Variants in NAALADL2 observed in about 807,000 individuals in gnomAD.
The protein encoded by NAALADL2 is N-acetylated alpha-linked acidic dipeptidase like 2.
Under a neutral mutation model 87.2 loss-of-function variants are expected in NAALADL2, and 76 were observed. That is an observed-to-expected ratio of 0.87 (90% CI 0.72 to 1.05). The LOEUF (loss-of-function observed/expected upper bound fraction) is 1.05. Ranked by LOEUF, NAALADL2 falls within the 50% of genes least tolerant of loss-of-function variation. The pLI is 0.00. For synonymous variants in NAALADL2, 354 were observed against 331.0 expected (o/e 1.07, Z -0.75); for missense variants, 1,089 against 945.8 (o/e 1.15, Z -1.99).
At chr3:175,191,258 T>TA (rs1280325543) in intron 2 of NAALADL2, among the ~76,000 whole-genome samples, 1 of 152,174 alleles carries the variant, frequency 6.6e-6, no homozygotes, top group Non-Finnish European at 1.5e-5. Flanking sequence ...AATTATTTTT[T>TA]TAAAAAATCC....
chr3:174,787,603 A>ATATATATATATACACACATATC (rs1716927367), intron 3 of NAALADL2, among the ~76,000 whole-genome samples: 1 of 99,480 alleles, frequency 1.0e-5, no homozygotes, highest in African/African-American at 3.3e-5. Flanking sequence ...ATATATATAT[A>ATATATATATATACACACATATC]TATATATATA....
intron 2 of NAALADL2, among the ~76,000 whole-genome samples, chr3:175,230,455 G>C (rs939538846): frequency 6.6e-6 from 1 of 151,818 alleles, no homozygotes; most frequent in Non-Finnish European, 1.5e-5. Flanking sequence ...ATAAATATAG[G>C]CAAAAACAAG....
chr3:175,452,749 T>TG (rs1483420379), intron 6 of NAALADL2, among the ~76,000 whole-genome samples: 9 of 152,154 alleles, frequency 5.9e-5, no homozygotes, highest in Non-Finnish European at 1.5e-5. Context: ...TCAACATTCA[T>TG]GAGCTGCCAG....
At chr3:175,479,112 A>G (rs1369304218) in intron 9 of NAALADL2, among the ~76,000 whole-genome samples, 4 of 151,750 alleles carry the variant, frequency 2.6e-5, no homozygotes, top group Non-Finnish European at 4.4e-5. Context: ...ATCTGTTGTT[A>G]TGTACTTATC....
At chr3:174,935,824 TA>T (rs1737610925) in intron 1 of NAALADL2, among the ~76,000 whole-genome samples, 1 of 152,166 alleles carries the variant, frequency 6.6e-6, no homozygotes, top group Non-Finnish European at 1.5e-5. Flanking sequence ...TTCTAACATA[TA>T]TTTTTTGCTA....
intron 2 of NAALADL2, among the ~76,000 whole-genome samples, chr3:175,225,647 A>G (rs905337189): frequency 6.6e-5 from 10 of 152,048 alleles, no homozygotes; most frequent in Non-Finnish European, 4.4e-5. Context: ...AAATGGAAAA[A>G]CTTTCTCCCA....
intron 2 of NAALADL2, among the ~76,000 whole-genome samples, chr3:174,729,749 G>A (rs759429876): frequency 2.6e-5 from 4 of 151,530 alleles, no homozygotes; most frequent in Admixed American, 6.6e-5. Flanking sequence ...CATTCCTCTT[G>A]TTTTGAAAAA....
chr3:174,591,299 T>G (rs983989943), intron 2 of NAALADL2, among the ~76,000 whole-genome samples: 2 of 152,198 alleles, frequency 1.3e-5, no homozygotes, highest in Non-Finnish European at 2.9e-5. Flanking sequence ...TAGGGAATTA[T>G]GTTTGGATTG....
chr3:175,378,147 AC>A (rs1214388188), intron 5 of NAALADL2, among the ~76,000 whole-genome samples: 3 of 151,636 alleles, frequency 2.0e-5, no homozygotes, highest in African/African-American at 7.3e-5. Flanking sequence ...AAGTCCAGAC[AC>A]TGCCATGGGG....
At chr3:175,613,847 C>G (rs1046508130) in intron 10 of NAALADL2, among the ~76,000 whole-genome samples, 1 of 152,114 alleles carries the variant, frequency 6.6e-6, no homozygotes, top group South Asian at 2.1e-4. Context: ...TGCCATTATT[C>G]ATAATACATA....
At chr3:175,579,181 C>G (rs1028735870) in intron 10 of NAALADL2, among the ~76,000 whole-genome samples, 1 of 148,284 alleles carries the variant, frequency 6.7e-6, no homozygotes, top group Admixed American at 7.0e-5. Flanking sequence ...GATTATAATG[C>G]AAATCTTAGA....
chr3:174,502,875 A>G (rs1166965545), intron 1 of NAALADL2, among the ~76,000 whole-genome samples: 2 of 152,052 alleles, frequency 1.3e-5, no homozygotes, highest in Non-Finnish European at 2.9e-5. Context: ...CTAAAAATAT[A>G]AAAATTATCC....
chr3:174,940,544 T>C (rs1423591815), intron 1 of NAALADL2, among the ~76,000 whole-genome samples: 1 of 151,990 alleles, frequency 6.6e-6, no homozygotes, highest in African/African-American at 2.4e-5. Context: ...TATAGAGGAG[T>C]CCCTCCTCTT....
At chr3:174,988,546 A>G (rs1419538815) in intron 1 of NAALADL2, among the ~76,000 whole-genome samples, 1 of 152,164 alleles carries the variant, frequency 6.6e-6, no homozygotes, top group Non-Finnish European at 1.5e-5. Context: ...AACAACATAA[A>G]TTTATTTTCT....
chr3:174,614,313 A>C (rs1170889148), intron 2 of NAALADL2, among the ~76,000 whole-genome samples: 1 of 152,168 alleles, frequency 6.6e-6, no homozygotes, highest in African/African-American at 2.4e-5. Flanking sequence ...AAGTTTATTT[A>C]GAACTCCAGG....
intron 2 of NAALADL2, among the ~76,000 whole-genome samples, chr3:175,127,280 C>T (rs1727114300): frequency 6.6e-6 from 1 of 152,108 alleles, no homozygotes; most frequent in South Asian, 2.1e-4. Flanking sequence ...TAGATTATAT[C>T]CCAGCCTGTG....
intron 1 of NAALADL2, among the ~76,000 whole-genome samples, chr3:174,513,297 C>G (rs1278071517): frequency 6.6e-6 from 1 of 152,124 alleles, no homozygotes; most frequent in Non-Finnish European, 1.5e-5. Flanking sequence ...CAATGACATG[C>G]TGGTATTGTA....
chr3:175,685,708 G>C (rs1736189136), intron 11 of NAALADL2, among the ~76,000 whole-genome samples: 1 of 152,028 alleles, frequency 6.6e-6, no homozygotes, highest in Admixed American at 6.6e-5. Flanking sequence ...CAGCAGACTG[G>C]AGACCCTGGA....
chr3:175,070,255 T>C (rs1380466858), intron 1 of NAALADL2, among the ~76,000 whole-genome samples: 3 of 151,910 alleles, frequency 2.0e-5, no homozygotes, highest in Admixed American at 2.0e-4. Flanking sequence ...TCTTAGGCAT[T>C]TTATGTAATT....
Sources: allele counts gnomAD v4.1 joint callset (sites outside exome capture counted in the v4.1 genomes callset), GRCh38; gene constraint gnomAD v4.1.1; transcripts MANE v1.5; gene names NCBI Gene and HGNC (gene_info 2026-07-23, HGNC 2026-07-21).